The following TMC2 variants were observed in gnomAD, a reference collection of about 807,000 sequenced individuals.
The protein encoded by TMC2 is transmembrane channel-like protein 2.
TMC2 carries 102 observed loss-of-function variants against 105.9 expected under a neutral mutation model. The ratio of observed to expected loss-of-function variants is 0.96; its 90% CI spans 0.82 to 1.14. The LOEUF (loss-of-function observed/expected upper bound fraction) is 1.14. Among genes scored for constraint, TMC2 ranks in the 50% most tolerant of loss-of-function variants. The pLI, the probability that TMC2 is intolerant of heterozygous loss-of-function variation, is 0.00. For missense variants in TMC2, 1,093 were observed against 1,134.3 expected, an observed-to-expected ratio of 0.96 and a Z score of 0.52; for synonymous variants, 402 against 422.8, an observed-to-expected ratio of 0.95 and a Z score of 0.60.
intron 7 of TMC2, among the ~76,000 whole-genome samples, chr20:2,585,293 T>C (rs75544021): frequency 1.2e-4 from 19 of 152,362 alleles, no homozygotes; most frequent in East Asian, 1.2e-3. Flanking sequence ...TGAATAACTC[T>C]ACTATAAAAC....
intron 10 of TMC2, among the ~76,000 whole-genome samples, chr20:2,599,276 T>G (rs188216005): frequency 2.1e-4 from 26 of 121,006 alleles, no homozygotes; most frequent in Admixed American, 1.9e-3. Flanking sequence ...TCAAAATGAA[T>G]GAATGAATGG....
chr20:2,597,136 C>T lies in TMC2; in HGVS notation c.1077-15C>T, dbSNP rs2086313838. On this transcript the variant is annotated splice_polypyrimidine_tract_variant and intron_variant, in intron 9 of 19. Coordinates refer to ENST00000358864, the MANE Select transcript of TMC2 (RefSeq NM_080751.3). ...AAAGAGGGCAGACGTCACAACAGTG[C>T]TGTGTGCCCTACAGGATGGCCAGCA... The T allele has an allele frequency of 6.2e-7, 1 of 1,613,046 alleles. No homozygotes were observed. The highest frequency in any genetic ancestry group is 1.1e-5 in the South Asian group (1 of 90,992).
intron 8 of TMC2, among the ~76,000 whole-genome samples, chr20:2,594,579 A>T (rs1318204571): frequency 6.6e-6 from 1 of 151,962 alleles, no homozygotes; most frequent in Non-Finnish European, 1.5e-5. Context: ...TCTCCCTCCC[A>T]TGTCTCCATG....
At chr20:2,589,258 T>A (rs2086251492) in intron 7 of TMC2, among the ~76,000 whole-genome samples, 1 of 107,780 alleles carries the variant, frequency 9.3e-6, no homozygotes, top group African/African-American at 3.8e-5. Flanking sequence ...TCCAGATATC[T>A]TCCTATTTGC....
intron 7 of TMC2, 64 bp downstream of exon 7, chr20:2,580,120 T>G: frequency 1.0e-6 from 1 of 962,302 alleles, no homozygotes; most frequent in South Asian, 1.5e-5. Flanking sequence ...TCATCAATTA[T>G]CAACCAAATA....
At chr20:2,564,408 C>A (rs1394980556) in intron 4 of TMC2, among the ~76,000 whole-genome samples, 5 of 152,072 alleles carry the variant, frequency 3.3e-5, no homozygotes, top group Admixed American at 3.3e-4. Flanking sequence ...CCTCGGCCTC[C>A]CAAAGTGCTG....
intron 2 of TMC2, among the ~76,000 whole-genome samples, chr20:2,540,964 C>A (rs538133454): frequency 2.0e-5 from 3 of 152,112 alleles, no homozygotes; most frequent in African/African-American, 7.2e-5. Context: ...AGAACACACC[C>A]GGGACGCAGC....
At position 2,643,273 on chromosome 20, in the gene TMC2, A is replaced by C. The variant is rs1600148381; in HGVS notation, c.*1922A>C. Among the ~76,000 whole-genome samples, 2 of 152,124 alleles carry C rather than the reference A, an allele frequency of 1.3e-5. No individual in the cohort carries two copies. Among genetic ancestry groups the C allele is most frequent in the South Asian group, 4.1e-4 (2 of 4,830 alleles). On this transcript the variant is annotated 3_prime_UTR_variant, in exon 20 of 20. Coordinates refer to ENST00000358864, the MANE Select transcript of TMC2 (RefSeq NM_080751.3). ...TCAGTACAGGGATCCTGGCACTGTA[A>C]CCCAACCAATCAGGACCAGAAGGCC...
chr20:2,574,164 T>C (rs2086126039), intron 5 of TMC2, among the ~76,000 whole-genome samples: 1 of 152,278 alleles, frequency 6.6e-6, no homozygotes, highest in African/African-American at 2.4e-5. Flanking sequence ...AAATAGATAA[T>C]TAGGTTTTAT....
chr20:2,632,414 ATCG>A (rs2086609821), intron 17 of TMC2, among the ~76,000 whole-genome samples: 1 of 152,096 alleles, frequency 6.6e-6, no homozygotes, highest in Non-Finnish European at 1.5e-5. Context: ...ATGGTTTTGT[ATCG>A]TTCTTTGATC....
chr20:2,550,418 C>T (rs1041387664), intron 2 of TMC2, among the ~76,000 whole-genome samples: 6 of 152,168 alleles, frequency 3.9e-5, no homozygotes, highest in Non-Finnish European at 8.8e-5. Flanking sequence ...CTCCCCTCAC[C>T]GAATGTTTCT....
intron 5 of TMC2, among the ~76,000 whole-genome samples, chr20:2,577,059 C>T (rs1384170538): frequency 1.3e-5 from 2 of 152,014 alleles, no homozygotes; most frequent in African/African-American, 2.4e-5. Context: ...AGGTGCCTGC[C>T]ACCACGCCCA....
intron 5 of TMC2, 54 bp downstream of exon 5, chr20:2,572,323 T>C: frequency 6.9e-7 from 1 of 1,450,902 alleles, no homozygotes; most frequent in Non-Finnish European, 9.6e-7. Context: ...AGCTTTGGAA[T>C]CTGGCGACCA....
intron 11 of TMC2, among the ~76,000 whole-genome samples, chr20:2,607,033 T>C (rs1364140050): frequency 3.9e-5 from 6 of 152,010 alleles, no homozygotes; most frequent in Admixed American, 2.6e-4. Flanking sequence ...TTTTTAACTG[T>C]TTTATACAAC....
At chr20:2,571,119 G>A (rs1209131120) in intron 4 of TMC2, among the ~76,000 whole-genome samples, 1 of 152,142 alleles carries the variant, frequency 6.6e-6, no homozygotes, top group Non-Finnish European at 1.5e-5. Context: ...GTCCTCAATA[G>A]CAACTGCAAC....
intron 10 of TMC2, among the ~76,000 whole-genome samples, chr20:2,601,338 A>C (rs759573410): frequency 4.6e-5 from 7 of 152,258 alleles, no homozygotes; most frequent in Non-Finnish European, 1.0e-4. Context: ...AGACCATATG[A>C]CCAGCAAACC....
intron 4 of TMC2, 32 bp from the exon 5 acceptor site, chr20:2,572,147 G>A: frequency 6.6e-7 from 1 of 1,521,474 alleles, no homozygotes; most frequent in Non-Finnish European, 9.1e-7. Context: ...GGTGCTAACT[G>A]AAATCCTGCT....
At position 2,536,620 on chromosome 20, in the gene TMC2, C is replaced by T. The variant is rs1347369774; in HGVS notation, c.-2C>T. The stretch of plus-strand genomic sequence containing the variant: ...TGCAGGACCCCAGCAGTGCTGCTGA[C>T]CATGAGCCACCAGGTAAAGGGCCTG... On this transcript the variant is annotated 5_prime_UTR_variant, in exon 1 of 20. Transcript: ENST00000358864. 1 of 1,572,270 alleles carries T rather than the reference C, an allele frequency of 6.4e-7. No individual in the cohort carries two copies. The highest frequency in any genetic ancestry group is 8.6e-7 in the Non-Finnish European group (1 of 1,158,774).
chr20:2,567,243 G>A (rs1242905772), intron 4 of TMC2, among the ~76,000 whole-genome samples: 1 of 152,200 alleles, frequency 6.6e-6, no homozygotes, highest in African/African-American at 2.4e-5. Flanking sequence ...CTGCTCAGCG[G>A]TAACAAGGAG....
Sources: gnomAD v4.1 joint callset for allele counts (sites outside exome capture counted in the v4.1 genomes callset) on GRCh38, gnomAD v4.1.1 for gene constraint, MANE v1.5 for transcripts, NCBI Gene and HGNC (gene_info 2026-07-23, HGNC 2026-07-21) for gene names.